Variants in PEPD observed in about 807,000 individuals in gnomAD.
The protein encoded by PEPD is xaa-Pro dipeptidase.
PEPD carries 53 observed loss-of-function variants against 60.7 expected under a neutral mutation model. The ratio of observed to expected loss-of-function variants is 0.87; its 90% CI spans 0.70 to 1.10. PEPD has a LOEUF of 1.10. PEPD is among the 50% of genes least tolerant of loss of function. The probability of loss-of-function intolerance (pLI) is 0.00; values close to 1 mark genes in which losing one functional copy is unlikely to be tolerated. For missense variants in PEPD, 711 were observed against 711.9 expected (o/e 1.00, Z 0.01); for synonymous variants, 267 against 284.1 (o/e 0.94, Z 0.60).
intron 6 of PEPD, among the ~76,000 whole-genome samples, chr19:33,486,277 G>C (rs1008337291): frequency 4.4e-5 from 1 of 22,816 alleles, no homozygotes; most frequent in Admixed American, 6.4e-4. Flanking sequence ...TCATGCCCCC[G>C]CCAGGACCTG....
At chr19:33,476,822 C>T (rs879864552) in intron 7 of PEPD, among the ~76,000 whole-genome samples, 3 of 152,054 alleles carry the variant, frequency 2.0e-5, no homozygotes, top group Admixed American at 6.5e-5. Flanking sequence ...CGCCACCATG[C>T]CCTGCTAATT....
At chr19:33,450,978 C>A (rs1969686615) in intron 9 of PEPD, among the ~76,000 whole-genome samples, 1 of 152,182 alleles carries the variant, frequency 6.6e-6, no homozygotes, top group African/African-American at 2.4e-5. Context: ...AAGTTACTAA[C>A]CCCTCCCTAA....
chr19:33,434,741 A>C (rs2145401440), intron 9 of PEPD, among the ~76,000 whole-genome samples: 1 of 152,188 alleles, frequency 6.6e-6, no homozygotes, highest in African/African-American at 2.4e-5. Flanking sequence ...TCAGCTGGGA[A>C]AGGTCACGCC....
intron 9 of PEPD, among the ~76,000 whole-genome samples, chr19:33,459,948 A>T (rs1969896000): frequency 1.3e-5 from 2 of 152,166 alleles, no homozygotes. Context: ...CCTTGCTCAC[A>T]GGGTGCTGTC....
intron 9 of PEPD, among the ~76,000 whole-genome samples, chr19:33,438,473 T>C (rs1277785105): frequency 1.3e-5 from 2 of 152,248 alleles, no homozygotes. Flanking sequence ...TTATGAGGTC[T>C]GATGCCAAGA....
In PEPD at chr19:33,462,990, CT is replaced by C; in HGVS notation, c.671+4del. 1 of 1,581,664 alleles carries C rather than the reference CT, an allele frequency of 6.3e-7. No individual in the cohort carries two copies. The highest frequency in any genetic ancestry group is 8.7e-7 in the Non-Finnish European group (1 of 1,150,392). ...AATTTTACCCGGAGAAACATGGTGGCTTACCTTTCCAACTCATATTCTTTCA... is the reference window on the plus strand; with the variant it reads ...AATTTTACCCGGAGAAACATGGTGGCTACCTTTCCAACTCATATTCTTTCA... On this transcript the variant is annotated splice_donor_region_variant and intron_variant, in intron 9 of 14. Coordinates refer to ENST00000244137, the MANE Select transcript of PEPD (RefSeq NM_000285.4).
Position 33,467,462 on chromosome 19 carries a change from G to A in PEPD, c.549-3400C>T, listed in dbSNP as rs577600660. Among the ~76,000 whole-genome samples, 11 of 152,218 alleles carry A rather than the reference G, an allele frequency of 7.2e-5. No individual in the cohort carries two copies. In the South Asian group the frequency reaches 1.5e-3, roughly 20 times the overall value. ...TAACAAGGAAACAGCAACAGAAGTCGGGAGGTAAAGACGGGTTGGAGAAAA... is the reference window on the plus strand; with the variant it reads ...TAACAAGGAAACAGCAACAGAAGTCAGGAGGTAAAGACGGGTTGGAGAAAA... On this transcript the variant is annotated intron_variant, in intron 7 of 14. Transcript: ENST00000244137.
intron 13 of PEPD, among the ~76,000 whole-genome samples, chr19:33,390,622 G>T (rs1287168747): frequency 6.6e-6 from 1 of 152,188 alleles, no homozygotes; most frequent in Non-Finnish European, 1.5e-5. Context: ...CCGCCCAGCC[G>T]AGAGGCCGTA....
chr19:33,405,333 A>C (rs1459887089), intron 11 of PEPD, among the ~76,000 whole-genome samples: 2 of 152,270 alleles, frequency 1.3e-5, no homozygotes, highest in Admixed American at 1.3e-4. Context: ...TGCAATGTTT[A>C]TATGAGAGCC....
In PEPD at chr19:33,431,992, CAA is replaced by C. The variant is rs906879187; in HGVS notation, c.672-18351_672-18350del. 4.9e-4 allele frequency among the ~76,000 whole-genome samples: 38 copies of C among 77,832 alleles called. 1 individual carries two copies. The highest frequency in any genetic ancestry group is 9.2e-4 in the Admixed American group (7 of 7,600). 51.1% of individuals were successfully genotyped at this position (77,832 alleles called of 152,430 possible). Reference sequence around the variant, plus strand: ...TGGGTAACAGAGCAAGACACCACCTCAAAAAAAAAAAAAAAAAAGGGAAGATT... The same window carrying C: ...TGGGTAACAGAGCAAGACACCACCTCAAAAAAAAAAAAAAAAGGGAAGATT... On this transcript the variant is annotated intron_variant, in intron 9 of 14. Transcript: ENST00000244137.
intron 9 of PEPD, among the ~76,000 whole-genome samples, chr19:33,434,084 G>A (rs1003877942): frequency 6.6e-6 from 1 of 152,142 alleles, no homozygotes; most frequent in African/African-American, 2.4e-5. Flanking sequence ...TTGCTTGCTG[G>A]GAACTTTATG....
At chr19:33,424,640 G>A (rs1969102683) in intron 9 of PEPD, among the ~76,000 whole-genome samples, 1 of 152,186 alleles carries the variant, frequency 6.6e-6, no homozygotes, top group African/African-American at 2.4e-5. Context: ...AGGAGTTTAA[G>A]CCCAGCCTGG....
At chr19:33,424,675 G>A (rs1051424539) in intron 9 of PEPD, among the ~76,000 whole-genome samples, 5 of 152,052 alleles carry the variant, frequency 3.3e-5, no homozygotes, top group Middle Eastern at 3.2e-3. Flanking sequence ...CCCGGTATTC[G>A]TCCATTTTCA....
At chr19:33,486,623 C>T (rs1031384465) in intron 6 of PEPD, among the ~76,000 whole-genome samples, 9 of 152,164 alleles carry the variant, frequency 5.9e-5, no homozygotes, top group Non-Finnish European at 1.2e-4. Flanking sequence ...AGACCCCACA[C>T]ACTCTTACTG....
intron 4 of PEPD, among the ~76,000 whole-genome samples, chr19:33,499,665 G>A (rs1970672321): frequency 6.6e-6 from 1 of 152,214 alleles, no homozygotes; most frequent in African/African-American, 2.4e-5. Flanking sequence ...GCACCAGTGT[G>A]GGCCAGAGTC....
At chr19:33,454,809 C>T (rs181375753) in intron 9 of PEPD, among the ~76,000 whole-genome samples, 115 of 152,190 alleles carry the variant, frequency 7.6e-4, no homozygotes, top group Middle Eastern at 3.4e-3. Context: ...AGTGGAGAAA[C>T]CTGACAAGCA....
intron 7 of PEPD, among the ~76,000 whole-genome samples, chr19:33,469,886 G>A (rs1970091252): frequency 6.9e-6 from 1 of 145,412 alleles, no homozygotes; most frequent in Admixed American, 6.9e-5. Flanking sequence ...CCCCCATCAT[G>A]CTGCCAGCCC....
In PEPD at chr19:33,512,655, C is replaced by T. The variant is rs1970949840; in HGVS notation, c.139G>A (p.Val47Ile). Reference protein sequence around the residue: ...NPAVQAGSIVVLQGGEETQRY... With the variant: ...NPAVQAGSIVILQGGEETQRY... ...TGAGTCTCCTCCCCGCCCTGCAGGA[C>T]CACGATGGAGCCGGCCTGCACAGCA... The change falls in exon 2 of 15, where the codon GTC becomes ATC. Residue 47 changes from valine to isoleucine, a missense_variant. Transcript: ENST00000244137. The T allele has an allele frequency of 6.2e-7, 1 of 1,614,010 alleles. No individual in the cohort carries two copies. Among genetic ancestry groups the T allele is most frequent in the African/African-American group, 1.3e-5 (1 of 75,074 alleles).
Position 33,511,094 on chromosome 19 carries a change from A to G in PEPD, c.263T>C (p.Val88Ala), listed in dbSNP as rs1970917710. 6.2e-7 allele frequency: 1 copy of G among 1,613,210 alleles called. No individual in the cohort carries two copies. The highest frequency in any genetic ancestry group is 1.7e-5 in the Admixed American group (1 of 60,008). Residue 88 changes from valine (V) to alanine (A), a missense_variant, in exon 3 of 15, where the codon GTT becomes GCT. Transcript: ENST00000244137. ...AAACAGGGTCGACTTCCCAGTGTCAACATCGATGACACCATAGCAGCCTGG... is the reference window on the plus strand; with the variant it reads ...AAACAGGGTCGACTTCCCAGTGTCAGCATCGATGACACCATAGCAGCCTGG... ...TEPGCYGVIDVDTGKSTLFVP... is the reference protein window; with the variant it reads ...TEPGCYGVIDADTGKSTLFVP...
Sources: gnomAD v4.1 joint callset for allele counts (sites outside exome capture counted in the v4.1 genomes callset) on GRCh38, gnomAD v4.1.1 for gene constraint, MANE v1.5 for transcripts, NCBI Gene and HGNC (gene_info 2026-07-23, HGNC 2026-07-21) for gene names.